The following PCDHA3 variants were observed in gnomAD, a reference collection of about 807,000 sequenced individuals.
The protein encoded by PCDHA3 is protocadherin alpha 3.
PCDHA3 carries 41 observed loss-of-function variants against 62.2 expected under a neutral mutation model. The observed-to-expected ratio is 0.66, with a 90% CI of 0.51 to 0.86. PCDHA3 has a LOEUF of 0.86. Ranked by LOEUF, PCDHA3 falls within the 40% of genes least tolerant of loss-of-function variation. The pLI is 0.00. For synonymous variants in PCDHA3, 640 were observed against 555.4 expected, an observed-to-expected ratio of 1.15 and a Z score of -2.14; for missense variants, 1,304 against 1,241.2, an observed-to-expected ratio of 1.05 and a Z score of -0.76.
At chr5:140,846,097 A>T (rs1554141144) in intron 1 of PCDHA3, among the ~76,000 whole-genome samples, 4 of 149,760 alleles carry the variant, frequency 2.7e-5, no homozygotes, top group Non-Finnish European at 1.5e-5. Flanking sequence ...CCTTCCAAGG[A>T]ATGTGTAGAC....
At chr5:140,849,860 C>A in intron 1 of PCDHA3, 1 of 1,598,548 alleles carries the variant, frequency 6.3e-7, no homozygotes, top group South Asian at 1.1e-5. Flanking sequence ...CACCAGCGTT[C>A]GCGCAGTCCG....
At chr5:140,807,630 T>C (rs1763993145) in intron 1 of PCDHA3, 1 of 1,614,088 alleles carries the variant, frequency 6.2e-7, no homozygotes, top group African/African-American at 1.3e-5. Flanking sequence ...TCCAGGCCGC[T>C]TGACTCTCGG....
Position 140,848,404 on chromosome 5 carries a change from G to T in PCDHA3, c.2394+44813G>T, listed in dbSNP as rs2150409981. The stretch of plus-strand genomic sequence containing the variant: ...TTCACTCTCTCTGTGCTGAACGATG[G>T]CGAACACAGCAGAATGGGACTGACG... On this transcript the variant is annotated intron_variant, in intron 1 of 3. Coordinates refer to ENST00000522353, the MANE Select transcript of PCDHA3 (RefSeq NM_018906.3). 7 of 1,324,350 alleles carry T rather than the reference G, an allele frequency of 5.3e-6. 2 individuals are homozygous for T. In the Admixed American group the frequency reaches 1.3e-4, roughly 24 times the overall value. 82.0% of individuals were successfully genotyped at this position (1,324,350 alleles called of 1,614,324 possible).
chr5:140,896,276 G>A (rs1368035002), intron 1 of PCDHA3, among the ~76,000 whole-genome samples: 1 of 152,176 alleles, frequency 6.6e-6, no homozygotes, highest in Non-Finnish European at 1.5e-5. Context: ...GGATTTGCTG[G>A]CTTGAATGGT....
At chr5:140,898,321 G>A (rs370229202) in intron 1 of PCDHA3, among the ~76,000 whole-genome samples, 42 of 152,060 alleles carry the variant, frequency 2.8e-4, no homozygotes, top group Non-Finnish European at 1.2e-4. Flanking sequence ...TTATGGTTTT[G>A]GGTCTAACGT....
At chr5:140,836,199 T>C in intron 1 of PCDHA3, 1 of 1,613,834 alleles carries the variant, frequency 6.2e-7, no homozygotes, top group Admixed American at 1.7e-5. Flanking sequence ...CTACAACGCG[T>C]GGCTTTCGTA....
intron 2 of PCDHA3, among the ~76,000 whole-genome samples, chr5:140,981,439 T>C (rs1468864699): frequency 6.6e-6 from 1 of 152,128 alleles, no homozygotes; most frequent in Non-Finnish European, 1.5e-5. Flanking sequence ...CCAGGCATGG[T>C]GGCGGGTGCC....
chr5:140,835,745 G>T (rs781786218), intron 1 of PCDHA3: 2 of 1,613,472 alleles, frequency 1.2e-6, no homozygotes, highest in Non-Finnish European at 1.7e-6. Flanking sequence ...ACGCCCCGGC[G>T]TTCGCGCAGC....
intron 1 of PCDHA3, chr5:140,843,060 T>C: frequency 1.3e-6 from 2 of 1,595,188 alleles, no homozygotes; most frequent in Non-Finnish European, 1.7e-6. Context: ...GCGAGCAAGC[T>C]GGTGCCGCGG....
chr5:140,986,366 G>A (rs149115330), intron 3 of PCDHA3, among the ~76,000 whole-genome samples: 226 of 152,252 alleles, frequency 1.5e-3, no homozygotes, highest in African/African-American at 5.1e-3. Context: ...GGAGGAATGC[G>A]TTTTGGGGGG....
chr5:140,842,001 A>G (rs1475257095), intron 1 of PCDHA3: 1 of 1,613,730 alleles, frequency 6.2e-7, no homozygotes, highest in African/African-American at 1.3e-5. Context: ...GGCACTGTTC[A>G]GCTGCTGGTC....
chr5:140,803,936 A>G (rs143721550), intron 1 of PCDHA3: 4 of 404,820 alleles, frequency 9.9e-6, no homozygotes, highest in Admixed American at 8.6e-5. Context: ...ACTTATCCCT[A>G]TACAATGCTT....
At chr5:140,822,922 C>A in intron 1 of PCDHA3, 1 of 1,614,270 alleles carries the variant, frequency 6.2e-7, no homozygotes, top group Non-Finnish European at 8.5e-7. Flanking sequence ...TGCCAACGGG[C>A]AGGTGACCTG....
Position 140,842,658 on chromosome 5 carries a change from C to T in PCDHA3, c.2394+39067C>T. ...ACCGCCAGCTTGTCTGTGGAGGTGG[C>T]CGACGTGAACGACAATGCTCCGGCG... is the stretch of plus-strand genomic sequence containing the variant. On this transcript the variant is annotated intron_variant, in intron 1 of 3. Coordinates refer to ENST00000522353, the MANE Select transcript of PCDHA3 (RefSeq NM_018906.3). 1.9e-6 allele frequency: 3 copies of T among 1,595,322 alleles called. 1 individual carries two copies. The highest frequency in any genetic ancestry group is 8.6e-7 in the Non-Finnish European group (1 of 1,165,500).
At chr5:140,913,145 G>A (rs2076230074) in intron 1 of PCDHA3, among the ~76,000 whole-genome samples, 1 of 152,150 alleles carries the variant, frequency 6.6e-6, no homozygotes, top group Non-Finnish European at 1.5e-5. Context: ...TTTTGGAATA[G>A]TTTGAGTAGG....
intron 1 of PCDHA3, chr5:140,856,661 C>T: frequency 6.3e-7 from 1 of 1,598,066 alleles, no homozygotes; most frequent in South Asian, 1.1e-5. Flanking sequence ...TGAAGAAAAT[C>T]CTCAGCTAAA....
At position 140,853,114 on chromosome 5, in the gene PCDHA3, C is replaced by T. The variant is rs2150528456; in HGVS notation, c.2394+49523C>T. 11 of 456,802 alleles carry T rather than the reference C, an allele frequency of 2.4e-5. 1 individual carries two copies. The highest frequency in any genetic ancestry group is 1.1e-3 in the Middle Eastern group (1 of 920). The allele number at this position is 456,802 out of a possible 1,614,324, so 28.3% of individuals were successfully genotyped here. On this transcript the variant is annotated intron_variant, in intron 1 of 3. Coordinates refer to ENST00000522353, the MANE Select transcript of PCDHA3 (RefSeq NM_018906.3). ...CAGGATGGTCTCGATCTCCTGACCT[C>T]ATGATCCTCCCGCCTCAGCCTCCCA...
intron 1 of PCDHA3, chr5:140,871,720 TA>T: frequency 1.3e-6 from 1 of 767,368 alleles, no homozygotes; most frequent in Non-Finnish European, 2.0e-6. Flanking sequence ...CTATTTCTCT[TA>T]ATATTTGGTT....
At chr5:140,950,791 A>T (rs2153690738) in intron 1 of PCDHA3, among the ~76,000 whole-genome samples, 1 of 152,142 alleles carries the variant, frequency 6.6e-6, no homozygotes, top group East Asian at 1.9e-4. Flanking sequence ...CTTTTTAAAT[A>T]TTGTCTGGTT....
Sources: gnomAD v4.1 joint callset for allele counts (sites outside exome capture counted in the v4.1 genomes callset) on GRCh38, gnomAD v4.1.1 for gene constraint, MANE v1.5 for transcripts, NCBI Gene and HGNC (gene_info 2026-07-23, HGNC 2026-07-21) for gene names.